Variants in PTPN9 observed in about 807,000 individuals in gnomAD.
PTPN9 encodes tyrosine-protein phosphatase non-receptor type 9.
In PTPN9, 26 loss-of-function variants were observed where a neutral mutation model predicts 69.8. That is an observed-to-expected ratio of 0.37 (90% confidence interval 0.27 to 0.52). PTPN9 has a LOEUF of 0.52. Among genes scored for constraint, PTPN9 ranks in the 20% least tolerant of loss-of-function variants. The pLI is 0.91. For missense variants in PTPN9, 549 were observed against 740.3 expected, an observed-to-expected ratio of 0.74 and a Z score of 3.00; for synonymous variants, 274 against 272.5, an observed-to-expected ratio of 1.01 and a Z score of -0.05.
At chr15:75,472,947 T>C (rs756616109) in intron 10 of PTPN9, among the ~76,000 whole-genome samples, 15 of 148,902 alleles carry the variant, frequency 1.0e-4, no homozygotes, top group Non-Finnish European at 1.9e-4. Context: ...AGACTCCATC[T>C]CAGAAGAAAA....
At position 75,513,627 on chromosome 15, in the gene PTPN9, T is replaced by C. The variant is rs552388792; in HGVS notation, c.528+3632A>G. 1.4e-4 allele frequency among the ~76,000 whole-genome samples: 21 copies of C among 151,346 alleles called. 1 individual carries two copies. In the South Asian group the frequency reaches 3.8e-3, roughly 27 times the overall value. ...ACTAAAAATACAAAAATTAGCCGAG[T>C]GTGGTGATGAGCACCTGTAATCCCA... is the stretch of plus-strand genomic sequence containing the variant. On this transcript the variant is annotated intron_variant, in intron 5 of 12. Coordinates refer to ENST00000618819, the MANE Select transcript of PTPN9 (RefSeq NM_002833.4).
At chr15:75,576,744 GT>G (rs2141348530) in intron 1 of PTPN9, among the ~76,000 whole-genome samples, 1 of 152,136 alleles carries the variant, frequency 6.6e-6, no homozygotes, top group East Asian at 1.9e-4. Context: ...GGAGGCAGAG[GT>G]TGCAGTGAGC....
At chr15:75,503,876 C>A (rs1251918766) in intron 7 of PTPN9, among the ~76,000 whole-genome samples, 1 of 114,902 alleles carries the variant, frequency 8.7e-6, no homozygotes, top group Non-Finnish European at 1.7e-5. Context: ...GCCCTCCGCC[C>A]GGCCAGCCGC....
intron 1 of PTPN9, among the ~76,000 whole-genome samples, chr15:75,565,704 C>T (rs544427281): frequency 6.6e-6 from 1 of 152,240 alleles, no homozygotes; most frequent in East Asian, 1.9e-4. Flanking sequence ...TCATTCTTTG[C>T]ACTCATTTGC....
At chr15:75,562,957 G>C (rs549262841) in intron 1 of PTPN9, among the ~76,000 whole-genome samples, 1 of 151,984 alleles carries the variant, frequency 6.6e-6, no homozygotes, top group Non-Finnish European at 1.5e-5. Context: ...TTTAGGTTCA[G>C]GGGGTACATG....
chr15:75,504,419 C>G (rs2074801801), intron 7 of PTPN9, among the ~76,000 whole-genome samples: 2 of 129,296 alleles, frequency 1.5e-5, no homozygotes, highest in African/African-American at 3.0e-5. Context: ...CCGACCCGTC[C>G]GGGAGGGAGG....
chr15:75,483,961 C>T (rs1284061637), intron 8 of PTPN9, among the ~76,000 whole-genome samples: 3 of 152,220 alleles, frequency 2.0e-5, no homozygotes, highest in Non-Finnish European at 4.4e-5. Context: ...CCTCCTCCTC[C>T]CTGCTCTTGG....
At chr15:75,512,241 C>G (rs2074848803) in intron 5 of PTPN9, among the ~76,000 whole-genome samples, 1 of 150,524 alleles carries the variant, frequency 6.6e-6, no homozygotes, top group Non-Finnish European at 1.5e-5. Context: ...AGGGTTTTAT[C>G]AACTGGGCTG....
chr15:75,537,365 A>C (rs1474669294), intron 1 of PTPN9, among the ~76,000 whole-genome samples: 1 of 147,384 alleles, frequency 6.8e-6, no homozygotes, highest in Non-Finnish European at 1.5e-5. Context: ...AAAAAAAAAA[A>C]AAAAAAACTA....
chr15:75,537,753 CAA>C (rs1164644727), intron 1 of PTPN9, among the ~76,000 whole-genome samples: 51 of 11,384 alleles, frequency 4.5e-3, no homozygotes, highest in African/African-American at 8.7e-3. Context: ...GACTCCATCT[CAA>C]AAAAAAAAAA....
chr15:75,498,424 G>A (rs546514290), intron 7 of PTPN9, among the ~76,000 whole-genome samples: 2 of 151,702 alleles, frequency 1.3e-5, no homozygotes, highest in Admixed American at 1.3e-4. Context: ...GTTTACTATA[G>A]GGCAATGAGG....
At chr15:75,480,512 G>A (rs984479310) in intron 8 of PTPN9, 47 of 291,414 alleles carry the variant, frequency 1.6e-4, no homozygotes, top group Non-Finnish European at 2.5e-4. Flanking sequence ...CAGAAGGCTC[G>A]AAGGCGCCGC....
At chr15:75,532,586 C>G (rs1361060199) in intron 1 of PTPN9, among the ~76,000 whole-genome samples, 1 of 152,184 alleles carries the variant, frequency 6.6e-6, no homozygotes, top group African/African-American at 2.4e-5. Context: ...TGACCTCTGT[C>G]CCCCTGCTGG....
At chr15:75,501,806 A>G (rs2074774140) in intron 7 of PTPN9, among the ~76,000 whole-genome samples, 1 of 152,166 alleles carries the variant, frequency 6.6e-6, no homozygotes, top group Non-Finnish European at 1.5e-5. Flanking sequence ...CTGGAGAGAA[A>G]GAGATTTCTG....
intron 2 of PTPN9, among the ~76,000 whole-genome samples, chr15:75,525,571 C>T (rs1028344252): frequency 1.3e-5 from 2 of 151,642 alleles, no homozygotes; most frequent in African/African-American, 2.4e-5. Context: ...CCTTTATATA[C>T]CGATAACAAA....
At chr15:75,545,197 TAA>T (rs2141332313) in intron 1 of PTPN9, among the ~76,000 whole-genome samples, 1 of 152,300 alleles carries the variant, frequency 6.6e-6, no homozygotes, top group South Asian at 2.1e-4. Context: ...CTTGGCCTGC[TAA>T]AAGAGTGTGG....
At chr15:75,489,386 C>G (rs1319342187) in intron 8 of PTPN9, among the ~76,000 whole-genome samples, 2 of 152,024 alleles carry the variant, frequency 1.3e-5, no homozygotes, top group African/African-American at 2.4e-5. Flanking sequence ...CACAAGAGTT[C>G]AAGACCAGAC....
intron 8 of PTPN9, chr15:75,480,683 A>T: frequency 7.8e-7 from 1 of 1,275,506 alleles, no homozygotes; most frequent in South Asian, 1.6e-5. Context: ...CGCTGCCGCG[A>T]CCGACCGCAG....
At chr15:75,524,332 G>A in intron 2 of PTPN9, 34 bp from the exon 3 acceptor site, 1 of 1,372,576 alleles carries the variant, frequency 7.3e-7, no homozygotes, top group Non-Finnish European at 1.0e-6. Context: ...GTATTAATAT[G>A]AAAATACTGT....
Sources: allele counts gnomAD v4.1 joint callset (sites outside exome capture counted in the v4.1 genomes callset), GRCh38; gene constraint gnomAD v4.1.1; transcripts MANE v1.5; gene names NCBI Gene and HGNC (gene_info 2026-07-23, HGNC 2026-07-21).